CNTN6: variants seen among roughly 807,000 people sequenced by gnomAD.
CNTN6 encodes the protein contactin 6.
A neutral mutation model predicts 122.8 loss-of-function variants in CNTN6; 137 were observed. That is an observed-to-expected ratio of 1.12 (90% CI 0.97 to 1.29). CNTN6 has a LOEUF of 1.29. Ranked by LOEUF, CNTN6 falls within the 50% of genes most tolerant of loss-of-function variation. The pLI is 0.00. For synonymous variants in CNTN6, 570 were observed against 426.0 expected (o/e 1.34, Z -4.16); for missense variants, 1,634 against 1,223.4 (o/e 1.34, Z -5.01).
At position 1,241,520 on chromosome 3, in the gene CNTN6, C is replaced by T. The variant is rs529770253; in HGVS notation, c.358+13527C>T. On this transcript the variant is annotated intron_variant, in intron 4 of 22. Transcript: ENST00000446702. Reference sequence around the variant, plus strand: ...GTTTTGGATGAATTGAGAAGCTAAACGGAAGATACAAGGTCCGAATTAAAA... The same window carrying T: ...GTTTTGGATGAATTGAGAAGCTAAATGGAAGATACAAGGTCCGAATTAAAA... Among the ~76,000 whole-genome samples the T allele has an allele frequency of 3.9e-5, 6 of 152,016 alleles. No individual in the cohort carries two copies. The East Asian group carries it at 7.8e-4, about 20-fold the overall frequency.
At chr3:1,142,978 ATATATATATATATATATATATATATG>A (rs2092646062) in intron 1 of CNTN6, among the ~76,000 whole-genome samples, 2 of 83,176 alleles carry the variant, frequency 2.4e-5, no homozygotes, top group African/African-American at 8.3e-5. Context: ...GTATATATAT[ATATATATATATATATATATATATATG>A]TATATGCCCA....
At chr3:1,189,779 G>T (rs1042183923) in intron 2 of CNTN6, among the ~76,000 whole-genome samples, 42 of 152,140 alleles carry the variant, frequency 2.8e-4, no homozygotes, top group African/African-American at 9.9e-4. Context: ...CCAAACCCAA[G>T]GAAGAGAAAA....
chr3:1,376,906 T>C, intron 16 of CNTN6, 99 bp from the exon 17 acceptor site: 5 of 753,002 alleles, frequency 6.6e-6, no homozygotes, highest in Non-Finnish European at 1.2e-5. Context: ...ACAGTATGCC[T>C]GTGTGAGATT....
At chr3:1,158,169 T>G (rs552948036) in intron 2 of CNTN6, among the ~76,000 whole-genome samples, 1 of 152,316 alleles carries the variant, frequency 6.6e-6, no homozygotes, top group Non-Finnish European at 1.5e-5. Flanking sequence ...ATGGTTCCCT[T>G]TACTTCACAT....
intron 4 of CNTN6, among the ~76,000 whole-genome samples, chr3:1,245,219 T>TATATAAC (rs1559595125): frequency 2.6e-4 from 6 of 23,116 alleles, no homozygotes; most frequent in African/African-American, 1.2e-3. Context: ...TATATATATA[T>TATATAAC]ATATATATAT....
At position 1,173,932 on chromosome 3, in the gene CNTN6, CCTTT is replaced by C. The variant is rs531601238; in HGVS notation, c.55+25872_55+25875del. 3.8e-3 allele frequency among the ~76,000 whole-genome samples: 582 copies of C among 152,184 alleles called. 3 individuals carry two copies. Among genetic ancestry groups the C allele is most frequent in the Non-Finnish European group, 7.0e-3 (476 of 68,002 alleles). On this transcript the variant is annotated intron_variant, in intron 2 of 22. Transcript: ENST00000446702. ...GGGTTGGAATTATGAATTTTAAATT[CCTTT>C]CTATCTCCAATACACTGTGATTTTC...
intron 2 of CNTN6, among the ~76,000 whole-genome samples, chr3:1,179,416 C>CGGA (rs2093514126): frequency 6.6e-6 from 1 of 152,040 alleles, no homozygotes; most frequent in Non-Finnish European, 1.5e-5. Flanking sequence ...CTTTTCAGCC[C>CGGA]GGGAGCGTGG....
At position 1,164,836 on chromosome 3, in the gene CNTN6, C is replaced by T. The variant is rs141445580; in HGVS notation, c.55+16773C>T. Among the ~76,000 whole-genome samples the T allele has an allele frequency of 3.0e-4, 45 of 152,270 alleles. No individual in the cohort carries two copies. In the East Asian group the frequency reaches 7.0e-3, roughly 24 times the overall value. On this transcript the variant is annotated intron_variant, in intron 2 of 22. Transcript: ENST00000446702. ...TGGCCTTAAGTCCCACAGTACTGTG[C>T]TTTACCTAGGGAGCATGTTAATTCA...
At chr3:1,345,168 G>A (rs373232382) in intron 11 of CNTN6, among the ~76,000 whole-genome samples, 1 of 150,554 alleles carries the variant, frequency 6.6e-6, no homozygotes, top group Admixed American at 6.6e-5. Context: ...CCAGGCTGTA[G>A]TGCGGTGGCA....
At chr3:1,160,683 A>C (rs2093112291) in intron 2 of CNTN6, among the ~76,000 whole-genome samples, 1 of 151,340 alleles carries the variant, frequency 6.6e-6, no homozygotes, top group South Asian at 2.1e-4. Context: ...AAAAAGAAAA[A>C]TTAATTTGAT....
At chr3:1,272,986 T>G (rs1420001600) in intron 4 of CNTN6, among the ~76,000 whole-genome samples, 1 of 152,214 alleles carries the variant, frequency 6.6e-6, no homozygotes, top group East Asian at 1.9e-4. Flanking sequence ...GGCCCAGTAA[T>G]TCTTTAAAGC....
intron 1 of CNTN6, among the ~76,000 whole-genome samples, chr3:1,119,353 G>GTGTGTGTGTGTGTGTGTGTGTGTGTGT (rs377642286): frequency 4.7e-5 from 7 of 150,258 alleles, no homozygotes; most frequent in Admixed American, 6.7e-5. Flanking sequence ...GTGTGTGTGT[G>GTGTGTGTGTGTGTGTGTGTGTGTGTGT]GAGAATGTCT....
chr3:1,395,591 C>T (rs530401737), intron 20 of CNTN6, among the ~76,000 whole-genome samples: 46 of 152,096 alleles, frequency 3.0e-4, no homozygotes, highest in South Asian at 1.0e-3. Context: ...TTCCCTTGTA[C>T]GGACCCTCCT....
At chr3:1,205,516 C>G (rs1235009787) in intron 2 of CNTN6, among the ~76,000 whole-genome samples, 1 of 152,144 alleles carries the variant, frequency 6.6e-6, no homozygotes, top group African/African-American at 2.4e-5. Context: ...CATGCTGTTG[C>G]TGCCTTTTAC....
At chr3:1,390,412 T>C (rs535869717) in intron 20 of CNTN6, among the ~76,000 whole-genome samples, 2 of 151,364 alleles carry the variant, frequency 1.3e-5, no homozygotes, top group East Asian at 1.9e-4. Flanking sequence ...TTCAAAGCAG[T>C]GTGTAGAGGG....
chr3:1,312,094 G>T (rs2063242), intron 7 of CNTN6, among the ~76,000 whole-genome samples: 5,203 of 151,932 alleles, frequency 0.034, 313 homozygotes, highest in African/African-American at 0.12. Context: ...TAAATATCTT[G>T]CCAGTTTCTC....
In CNTN6 at chr3:1,239,669, A is replaced by G. The variant is rs566457780; in HGVS notation, c.358+11676A>G. ...ATCATTCTTCTCAGAACTAGCAAAAACAATCCTAAAATTTACATGGAACCA... is the reference window on the plus strand; with the variant it reads ...ATCATTCTTCTCAGAACTAGCAAAAGCAATCCTAAAATTTACATGGAACCA... On this transcript the variant is annotated intron_variant, in intron 4 of 22. Transcript: ENST00000446702. 2.1e-4 allele frequency among the ~76,000 whole-genome samples: 32 copies of G among 152,274 alleles called. No homozygotes were observed. In the South Asian group the frequency reaches 6.2e-3, roughly 30 times the overall value.
intron 2 of CNTN6, among the ~76,000 whole-genome samples, chr3:1,174,168 G>C (rs147145178): frequency 2.0e-5 from 3 of 152,228 alleles, no homozygotes; most frequent in South Asian, 2.1e-4. Flanking sequence ...TCAGCTTGAG[G>C]CATTTCTCTG....
rs1311586470 is a variant in CNTN6, at chr3:1,245,310, ATATATATAT to A, written c.358+17318_358+17326del. 1.0e-3 allele frequency among the ~76,000 whole-genome samples: 17 copies of A among 16,744 alleles called. 4 individuals are homozygous for A. Among genetic ancestry groups the A allele is most frequent in the South Asian group, 3.7e-3 (2 of 546 alleles). The allele number at this position is 16,744 out of a possible 152,430, so 11.0% of individuals were successfully genotyped here. On this transcript the variant is annotated intron_variant, in intron 4 of 22. Coordinates refer to ENST00000446702, the MANE Select transcript of CNTN6 (RefSeq NM_001289080.2). ...ATATATATAACATATATATATATAT[ATATATATAT>A]ATATATATATATATATAGCATGGAA...
Sources: gnomAD v4.1 joint callset for allele counts (sites outside exome capture counted in the v4.1 genomes callset) on GRCh38, gnomAD v4.1.1 for gene constraint, MANE v1.5 for transcripts, NCBI Gene and HGNC (gene_info 2026-07-23, HGNC 2026-07-21) for gene names.